TNK2: variants seen among roughly 807,000 people sequenced by gnomAD.
TNK2 encodes tyrosine kinase non receptor 2, also known as activated CDC42 kinase 1.
A neutral mutation model predicts 101.8 loss-of-function variants in TNK2; 83 were observed. The ratio of observed to expected loss-of-function variants is 0.82; its 90% CI spans 0.68 to 0.98. The LOEUF is 0.98. Among genes scored for constraint, TNK2 ranks in the 50% least tolerant of loss-of-function variants. TNK2 has a pLI of 0.00. For synonymous variants in TNK2, 804 were observed against 633.0 expected, an observed-to-expected ratio of 1.27 and a Z score of -4.06; for missense variants, 1,665 against 1,483.2, an observed-to-expected ratio of 1.12 and a Z score of -2.01.
chr3:195,884,578 G>A (rs1171228560), intron 4 of TNK2: 5 of 466,808 alleles, frequency 1.1e-5, no homozygotes, highest in African/African-American at 4.0e-5. Flanking sequence ...GGAAAGTGGA[G>A]GTTGCAGGAA....
rs959054613 is a variant in TNK2 at position 195,870,343 on chromosome 3, A to G, written c.1452-138T>C. On this transcript the variant is annotated intron_variant, in intron 10 of 15. Coordinates refer to ENST00000672887, the MANE Select transcript of TNK2 (RefSeq NM_001382273.1). Reference sequence around the variant, plus strand: ...GCACAGGCCTCCCGCCTCCCAGTCCACAGAACCTGACCGCACGTCTCAGCT... The same window carrying G: ...GCACAGGCCTCCCGCCTCCCAGTCCGCAGAACCTGACCGCACGTCTCAGCT... 2.6e-6 allele frequency: 4 copies of G among 1,518,444 alleles called. No homozygotes were observed. The Admixed American group carries it at 7.3e-5, about 28-fold the overall frequency. 94.1% of individuals were successfully genotyped at this position (1,518,444 alleles called of 1,614,324 possible).
chr3:195,878,099 G>A lies in TNK2; in HGVS notation c.1256+154C>T, dbSNP rs1327790894. On this transcript the variant is annotated intron_variant, in intron 9 of 15. Transcript: ENST00000672887. The surrounding 1 kb of genome is among the most constrained non-coding windows in gnomAD (Gnocchi z 4.7). ...AAAGGCACTAGGAAGACGGAGGCAG[G>A]CCTGTCCTCCCCTCACACTGCAGGG... Among the ~76,000 whole-genome samples the A allele has an allele frequency of 2.6e-5, 4 of 152,180 alleles. No homozygotes were observed. Among genetic ancestry groups the A allele is most frequent in the African/African-American group, 4.8e-5 (2 of 41,438 alleles).
intron 4 of TNK2, chr3:195,884,202 A>G (rs1346213244): frequency 6.6e-6 from 1 of 152,262 alleles, no homozygotes; most frequent in Non-Finnish European, 1.5e-5. Flanking sequence ...AACTAAATCC[A>G]ACAAAATACC....
chr3:195,878,208 C>A lies in TNK2; in HGVS notation c.1256+45G>T. On this transcript the variant is annotated intron_variant, in intron 9 of 15. Coordinates refer to ENST00000672887, the MANE Select transcript of TNK2 (RefSeq NM_001382273.1). The surrounding 1 kb of genome is among the most constrained non-coding windows in gnomAD (Gnocchi z 4.7). ...TGTCCACAGGTCCCTCCGACCTGTG[C>A]CCTTCAAGCGATCCCAGGGCGGGGC... The A allele has an allele frequency of 6.3e-6, 10 of 1,593,328 alleles. No homozygotes were observed. The highest frequency in any genetic ancestry group is 8.6e-6 in the Non-Finnish European group (10 of 1,161,488).
At chr3:195,890,769 A>G (rs746953859) in intron 1 of TNK2, among the ~76,000 whole-genome samples, 40 of 152,214 alleles carry the variant, frequency 2.6e-4, no homozygotes, top group Non-Finnish European at 5.6e-4. Flanking sequence ...GAATGAAACT[A>G]CTGTGTAAAC....
In TNK2 at chr3:195,869,535, G is replaced by A. The variant is rs1371063700; in HGVS notation, c.1550C>T (p.Pro517Leu). ...GGCAGGCTGAGGTGGGCGAGGTGGA[G>A]GCTCCCCTGCAAGAAAGGCCATGCG... Reference protein sequence around the residue: ...PQHLGGVKREPPPRPPQPAFF... With the variant: ...PQHLGGVKRELPPRPPQPAFF... Residue 517 changes from proline (P) to leucine (L), a missense_variant, in exon 12 of 16, where the codon CCT (proline) becomes CTT (leucine). Around this residue, in one of 3 missense-constraint regions of TNK2, gnomAD observed 1,136 missense variants for 894.9 expected, o/e 1.27. Transcript: ENST00000672887. The A allele has an allele frequency of 1.9e-6, 3 of 1,551,178 alleles. No individual in the cohort carries two copies. The highest frequency in any genetic ancestry group is 1.2e-5 in the South Asian group (1 of 84,056).
At chr3:195,907,782 G>A (rs1252651133) in intron 1 of TNK2, among the ~76,000 whole-genome samples, 6 of 152,342 alleles carry the variant, frequency 3.9e-5, no homozygotes, top group South Asian at 2.1e-4. Flanking sequence ...AACCTCCCCA[G>A]GGTGGGGCCA....
rs56054753 is a variant in TNK2 at position 195,884,959 on chromosome 3, G to A, written c.309C>T (p.Pro103=). The change falls in exon 4 of 16, where the codon CCC becomes CCT. Residue 103 remains proline, a synonymous_variant. Transcript: ENST00000672887. ...HSQSTFRKTS[P]APGGPAGEGP... is the part of the protein sequence containing the mutation. ...CCTCCCCTGCTGGGCCCCCAGGGGCGGGCGAGGTCTTCCGGAAGGTGCTCT... is the reference window on the plus strand; with the variant it reads ...CCTCCCCTGCTGGGCCCCCAGGGGCAGGCGAGGTCTTCCGGAAGGTGCTCT... 49 of 1,613,716 alleles carry A rather than the reference G, an allele frequency of 3.0e-5. No homozygotes were observed. Among genetic ancestry groups the A allele is most frequent in the Admixed American group, 8.3e-5 (5 of 59,978 alleles).
intron 1 of TNK2, chr3:195,896,311 G>A (rs1760492792): frequency 3.1e-6 from 1 of 323,412 alleles, no homozygotes; most frequent in Non-Finnish European, 6.1e-6. Context: ...GGTTGGGGCA[G>A]AGGAGAGACA....
rs767438078 is a variant in TNK2 at position 195,867,060 on chromosome 3, C to T, written c.3034-44G>A. ...CCATGGACACGCGGGCCCAGGGCACCGACTAGGGTGGGGAAGAGGGGAGTC... is the reference window on the plus strand; with the variant it reads ...CCATGGACACGCGGGCCCAGGGCACTGACTAGGGTGGGGAAGAGGGGAGTC... On this transcript the variant is annotated intron_variant, in intron 14 of 15. Coordinates refer to ENST00000672887, the MANE Select transcript of TNK2 (RefSeq NM_001382273.1). 3.0e-5 allele frequency: 49 copies of T among 1,610,080 alleles called. No individual in the cohort carries two copies. In the South Asian group the frequency reaches 3.6e-4, roughly 12 times the overall value.
At chr3:195,871,744 A>C (rs1367032208) in intron 10 of TNK2, among the ~76,000 whole-genome samples, 1 of 152,220 alleles carries the variant, frequency 6.6e-6, no homozygotes, top group East Asian at 1.9e-4. Context: ...AGCTTCTCTC[A>C]GGACCCCTGC....
Position 195,887,049 on chromosome 3 carries a change from T to C in TNK2, c.164-2A>G. The C allele has an allele frequency of 6.2e-7, 1 of 1,612,870 alleles. No individual in the cohort carries two copies. Among genetic ancestry groups the C allele is most frequent in the East Asian group, 2.2e-5 (1 of 44,864 alleles). ...CAGCCTCCCACAGCCGCCGCTGGCC[T>C]GCAGGGAGAGCGGGGAACCGCGTGC... is the stretch of plus-strand genomic sequence containing the variant. On this transcript the variant is annotated splice_acceptor_variant, in intron 2 of 15. Coordinates refer to ENST00000672887, the MANE Select transcript of TNK2 (RefSeq NM_001382273.1). LOFTEE classifies it high-confidence loss of function.
Position 195,866,927 on chromosome 3 carries a change from G to A in TNK2, c.3123C>T (p.Gly1041=). ...EMFDWNLEQA[G]CHLLGSWGPA... The stretch of plus-strand genomic sequence containing the variant: ...GGCCCCAGGAGCCCAGAAGGTGGCA[G>A]CCGGCCTGCTCCAGGTTCCAGTCGA... Residue 1041 remains glycine (G), a synonymous_variant, in exon 15 of 16, where the codon GGC becomes GGT. Transcript: ENST00000672887. 1 of 1,612,312 alleles carries A rather than the reference G, an allele frequency of 6.2e-7. No individual in the cohort carries two copies.
At chr3:195,865,069 A>G (rs1330582755) in intron 15 of TNK2, among the ~76,000 whole-genome samples, 2 of 143,852 alleles carry the variant, frequency 1.4e-5, no homozygotes, top group African/African-American at 2.6e-5. Flanking sequence ...GACAGGTGAC[A>G]CGGAGTGCCT....
Position 195,882,302 on chromosome 3 carries a change from C to T in TNK2, c.636G>A (p.Ser212=), listed in dbSNP as rs368702791. The change falls in exon 6 of 16, where the codon TCG becomes TCA. Residue 212 remains serine, a synonymous_variant. Transcript: ENST00000672887. This position sits in a 1 kb window ranked among gnomAD's most constrained non-coding sequence, Gnocchi z 4.2. ...GGTGCTTACGTAGCCGGTCCAACAA[C>T]GATCCCAGAGGTGCCAGCTCTGTCA... ...KMVTELAPLG[S]LLDRLRKHQG... 17 of 1,613,130 alleles carry T rather than the reference C, an allele frequency of 1.1e-5. No individual in the cohort carries two copies. The highest frequency in any genetic ancestry group is 5.0e-5 in the Admixed American group (3 of 59,990).
chr3:195,887,614 G>C (rs532622447), intron 2 of TNK2, among the ~76,000 whole-genome samples: 2 of 151,378 alleles, frequency 1.3e-5, no homozygotes, highest in African/African-American at 4.9e-5. Flanking sequence ...TAACTTGAAA[G>C]CCCTAATACG....
At chr3:195,879,310 C>A in intron 6 of TNK2, 135 bp from the exon 7 acceptor site, 1 of 1,378,880 alleles carries the variant, frequency 7.3e-7, no homozygotes, top group Admixed American at 2.2e-5. Flanking sequence ...CTCAGGGGCG[C>A]CGTGTGAAGC....
rs1755050170 is a variant in TNK2 at position 195,885,141 on chromosome 3, A to G, written c.235-108T>C. The G allele has an allele frequency of 2.4e-6, 3 of 1,251,946 alleles. No homozygotes were observed. Among genetic ancestry groups the G allele is most frequent in the Middle Eastern group, 2.4e-4 (1 of 4,250 alleles). The allele number at this position is 1,251,946 out of a possible 1,614,324, so 77.6% of individuals were successfully genotyped here. ...TGATCCCCGGCTTCGGCTTCCAGATAGGTCCTGGTTTTGCCAAACTGTCAG... is the reference window on the plus strand; with the variant it reads ...TGATCCCCGGCTTCGGCTTCCAGATGGGTCCTGGTTTTGCCAAACTGTCAG... On this transcript the variant is annotated intron_variant, in intron 3 of 15. Coordinates refer to ENST00000672887, the MANE Select transcript of TNK2 (RefSeq NM_001382273.1). The surrounding 1 kb of genome is among the most constrained non-coding windows in gnomAD (Gnocchi z 4.7).
chr3:195,889,823 C>T (rs1757640160), intron 1 of TNK2, among the ~76,000 whole-genome samples: 1 of 152,204 alleles, frequency 6.6e-6, no homozygotes, highest in South Asian at 2.1e-4. Context: ...GAGGGCGTGG[C>T]CAGGCTAGCC....
Sources: allele counts gnomAD v4.1 joint callset (sites outside exome capture counted in the v4.1 genomes callset), GRCh38; gene constraint gnomAD v4.1.1; regional missense constraint gnomAD v4.1.1; non-coding constraint Gnocchi (gnomAD v3.1); transcripts MANE v1.5; gene names NCBI Gene and HGNC (gene_info 2026-07-23, HGNC 2026-07-21).